The following BBS1 variants were observed in gnomAD, a reference collection of about 807,000 sequenced individuals.
BBS1 encodes the protein BBSome complex member BBS1.
Under a neutral mutation model 73.9 loss-of-function variants are expected in BBS1, and 60 were observed. The ratio of observed to expected loss-of-function variants is 0.81; its 90% CI spans 0.66 to 1.01. The LOEUF (loss-of-function observed/expected upper bound fraction) is 1.01. BBS1 is among the 50% of genes least tolerant of loss of function. BBS1 has a pLI of 0.00. For synonymous variants in BBS1, 283 were observed against 317.4 expected (o/e 0.89, Z 1.15); for missense variants, 718 against 770.3 (o/e 0.93, Z 0.80).
At chr11:66,519,577 T>G (rs1207889164) in intron 7 of BBS1, 40 bp from the exon 8 acceptor site, 11 of 1,612,764 alleles carry the variant, frequency 6.8e-6, no homozygotes, top group Admixed American at 3.3e-5. Flanking sequence ...GGGGGTGGTG[T>G]GTGGAGGTTC....
intron 3 of BBS1, among the ~76,000 whole-genome samples, chr11:66,511,452 T>C (rs61610137): frequency 0.02 from 3,025 of 152,276 alleles, 90 homozygotes; most frequent in African/African-American, 0.069. Flanking sequence ...AGATCAAATA[T>C]TTCTGGGGAT....
In BBS1 at chr11:66,531,044, C is replaced by T. The variant is rs2134837630; in HGVS notation, c.1608+16C>T. 3.1e-6 allele frequency: 5 copies of T among 1,614,146 alleles called. No homozygotes were observed. The highest frequency in any genetic ancestry group is 2.2e-5 in the East Asian group (1 of 44,884). On this transcript the variant is annotated intron_variant, in intron 15 of 16. Transcript: ENST00000318312. ...CTTCTTCAAGGTACTGGATGCTCCT[C>T]ACTTAGATATGGAGTGGGAAAGGCC... is the stretch of plus-strand genomic sequence containing the variant.
intron 13 of BBS1, 112 bp from the exon 14 acceptor site, chr11:66,529,707 G>A: frequency 7.3e-7 from 1 of 1,364,390 alleles, no homozygotes; most frequent in Non-Finnish European, 1.0e-6. Context: ...TCCTCCTGCA[G>A]CACCCTCCTC....
intron 7 of BBS1, 131 bp downstream of exon 7, chr11:66,516,064 C>A: frequency 1.2e-6 from 1 of 854,950 alleles, no homozygotes; most frequent in Non-Finnish European, 1.9e-6. Flanking sequence ...TCCAGCCATG[C>A]CATGTGTGTG....
rs1341261871 is a variant in BBS1, at chr11:66,532,820, T to C, written c.*783T>C. 1.3e-5 allele frequency: 2 copies of C among 152,148 alleles called. No homozygotes were observed. The highest frequency in any genetic ancestry group is 2.9e-5 in the Non-Finnish European group (2 of 68,254). 9.4% of individuals were successfully genotyped at this position (152,148 alleles called of 1,614,324 possible). On this transcript the variant is annotated 3_prime_UTR_variant, in exon 17 of 17. Coordinates refer to ENST00000318312, the MANE Select transcript of BBS1 (RefSeq NM_024649.5). The stretch of plus-strand genomic sequence containing the variant: ...GCAAGCCCAGGAGAGGAAGGCAGAG[T>C]GTGACAGAGCAGAGCCAGGGCCAGG...
intron 11 of BBS1, 52 bp from the exon 12 acceptor site, chr11:66,526,071 T>G: frequency 1.3e-6 from 2 of 1,574,546 alleles, no homozygotes; most frequent in Middle Eastern, 3.3e-4. Context: ...TCCCCTGTCT[T>G]GCTTTCCTCT....
At chr11:66,527,098 T>C in intron 13 of BBS1, 1 of 1,356,978 alleles carries the variant, frequency 7.4e-7, no homozygotes, top group South Asian at 1.2e-5. Flanking sequence ...GAATTTTGAC[T>C]GGGCATGGTG....
intron 13 of BBS1, among the ~76,000 whole-genome samples, chr11:66,528,201 A>G (rs1253702451): frequency 6.6e-6 from 1 of 152,220 alleles, no homozygotes; most frequent in Non-Finnish European, 1.5e-5. Flanking sequence ...GGGTGACAAG[A>G]GCCAGACTCC....
In BBS1 at chr11:66,514,485, GCCCGCTA is replaced by G. The variant is rs1856008576; in HGVS notation, c.242_248del (p.Pro81LeufsTer68). The G allele has an allele frequency of 6.2e-7, 1 of 1,614,042 alleles. No homozygotes were observed. Among genetic ancestry groups the G allele is most frequent in the Non-Finnish European group, 8.5e-7 (1 of 1,180,050 alleles). On this transcript the variant is annotated frameshift_variant, in exon 4 of 17. Coordinates refer to ENST00000318312, the MANE Select transcript of BBS1 (RefSeq NM_024649.5). LOFTEE classifies it high-confidence loss of function. ...AAAGGACCACTGGTGATGACCGAAA[GCCCGCTA>G]CCTGCTCTGCCAGCTGCTGCTGCCA...
In BBS1 at chr11:66,511,019, G is replaced by A. The variant is rs761128852; in HGVS notation, c.54G>A (p.Glu18=). The change falls in exon 2 of 17, where the codon GAG becomes GAA. Residue 18 remains glutamate (E), a synonymous_variant. Transcript: ENST00000318312. ...DSDACGAESN[E]ANSKWLDAHY... is the part of the protein sequence containing the mutation. The stretch of plus-strand genomic sequence containing the variant: ...GTCTTTCCCCCACTTCCAGCAATGA[G>A]GCCAATTCGAAGTGGTTGGATGCGC... 1.6e-4 allele frequency: 257 copies of A among 1,614,044 alleles called. No homozygotes were observed. Among genetic ancestry groups the A allele is most frequent in the Non-Finnish European group, 2.1e-4 (248 of 1,180,040 alleles).
chr11:66,525,339 A>G (rs548391544), intron 11 of BBS1, among the ~76,000 whole-genome samples: 25 of 152,204 alleles, frequency 1.6e-4, no homozygotes, highest in Non-Finnish European at 3.4e-4. Context: ...AGCCTGGGCC[A>G]CAGAGCAAGA....
At chr11:66,531,126 G>A (rs1226718403) in intron 15 of BBS1, 98 bp downstream of exon 15, 15 of 1,515,676 alleles carry the variant, frequency 9.9e-6, no homozygotes, top group African/African-American at 1.4e-5. Flanking sequence ...GTCAGAGCGT[G>A]CGGGTGGCTG....
chr11:66,521,956 C>T (rs1484690136), intron 9 of BBS1, among the ~76,000 whole-genome samples: 8 of 145,060 alleles, frequency 5.5e-5, no homozygotes, highest in Admixed American at 4.9e-4. Context: ...CATTGCCTCA[C>T]GCCTGTAATC....
chr11:66,526,045 G>A (rs1016421661), intron 11 of BBS1, 78 bp from the exon 12 acceptor site: 38 of 1,281,870 alleles, frequency 3.0e-5, no homozygotes, highest in Middle Eastern at 1.8e-4. Context: ...ATTATATCTG[G>A]GGCCTCCCCT....
At chr11:66,524,177 G>A in intron 11 of BBS1, 1 of 408,678 alleles carries the variant, frequency 2.4e-6, no homozygotes, top group South Asian at 2.0e-5. Context: ...CTACTCAGGA[G>A]GTTGAGGTAG....
chr11:66,512,845 G>T (rs530385234), intron 3 of BBS1, among the ~76,000 whole-genome samples: 1 of 151,882 alleles, frequency 6.6e-6, no homozygotes, highest in Non-Finnish European at 1.5e-5. Flanking sequence ...GGTGGCAGGC[G>T]CCTGTAATCC....
intron 13 of BBS1, among the ~76,000 whole-genome samples, chr11:66,528,839 G>C (rs992783645): frequency 2.0e-5 from 3 of 151,744 alleles, no homozygotes; most frequent in Non-Finnish European, 4.4e-5. Flanking sequence ...TTGGCGGCGC[G>C]TGCCTGTAAT....
At chr11:66,523,363 C>T in intron 9 of BBS1, 93 bp from the exon 10 acceptor site, 3 of 1,569,544 alleles carry the variant, frequency 1.9e-6, no homozygotes, top group Non-Finnish European at 2.6e-6. Context: ...GTGTTCCTCC[C>T]AGGTGAGTCC....
At chr11:66,531,359 C>T (rs914087408) in intron 15 of BBS1, among the ~76,000 whole-genome samples, 1 of 152,160 alleles carries the variant, frequency 6.6e-6, no homozygotes, top group African/African-American at 2.4e-5. Context: ...GCCTGGTTTT[C>T]CCCCAGGGCC....
Sources: gnomAD v4.1 joint callset for allele counts (sites outside exome capture counted in the v4.1 genomes callset) on GRCh38, gnomAD v4.1.1 for gene constraint, MANE v1.5 for transcripts, NCBI Gene and HGNC (gene_info 2026-07-23, HGNC 2026-07-21) for gene names.